RIN2: variants seen among roughly 807,000 people sequenced by gnomAD.
RIN2 encodes RAB5 interacting protein 2.
Under a neutral mutation model 78.0 loss-of-function variants are expected in RIN2, and 36 were observed. The observed-to-expected ratio is 0.46, with a 90% CI of 0.35 to 0.61. RIN2 has a LOEUF of 0.61. Ranked by LOEUF, RIN2 falls within the 20% of genes least tolerant of loss-of-function variation. The pLI is 0.00. For synonymous variants in RIN2, 466 were observed against 466.8 expected, an observed-to-expected ratio of 1.00 and a Z score of 0.02; for missense variants, 1,087 against 1,159.7, an observed-to-expected ratio of 0.94 and a Z score of 0.91.
At chr20:19,841,441 A>G (rs906083134) in intron 2 of RIN2, among the ~76,000 whole-genome samples, 2 of 152,124 alleles carry the variant, frequency 1.3e-5, no homozygotes, top group Admixed American at 6.5e-5. Flanking sequence ...TTGCCAGCTT[A>G]TGGAATTAAA....
At chr20:19,810,892 T>C (rs958455296) in intron 2 of RIN2, among the ~76,000 whole-genome samples, 52 of 145,404 alleles carry the variant, frequency 3.6e-4, no homozygotes, top group South Asian at 6.6e-4. Context: ...TTTTTTTTTT[T>C]AGTAGAGACA....
intron 3 of RIN2, among the ~76,000 whole-genome samples, chr20:19,927,117 G>A (rs952146046): frequency 5.3e-5 from 8 of 152,268 alleles, no homozygotes; most frequent in African/African-American, 1.9e-4. Flanking sequence ...TTTCTTTGTA[G>A]TCCCAGGTCT....
At chr20:19,813,483 A>T (rs1194764426) in intron 2 of RIN2, among the ~76,000 whole-genome samples, 1 of 152,258 alleles carries the variant, frequency 6.6e-6, no homozygotes, top group African/African-American at 2.4e-5. Context: ...AAAGAGGCAG[A>T]GTACTTTCTC....
At chr20:19,984,593 C>A (rs1392568796) in intron 9 of RIN2, among the ~76,000 whole-genome samples, 1 of 152,022 alleles carries the variant, frequency 6.6e-6, no homozygotes, top group Non-Finnish European at 1.5e-5. Context: ...ATGGTGAAAC[C>A]CCATCTCTAC....
At chr20:19,887,239 G>A (rs1322846165) in intron 2 of RIN2, among the ~76,000 whole-genome samples, 3 of 151,316 alleles carry the variant, frequency 2.0e-5, no homozygotes, top group African/African-American at 7.3e-5. Flanking sequence ...GCCCAGACTA[G>A]TCTCAAACTG....
At chr20:19,853,358 T>C (rs2037055653) in intron 2 of RIN2, among the ~76,000 whole-genome samples, 1 of 152,198 alleles carries the variant, frequency 6.6e-6, no homozygotes, top group Non-Finnish European at 1.5e-5. Flanking sequence ...TGCATGTGTC[T>C]TTATAGCAGC....
chr20:19,770,161 G>T (rs6046304), intron 1 of RIN2, among the ~76,000 whole-genome samples: 6,231 of 152,210 alleles, frequency 0.041, 452 homozygotes, highest in African/African-American at 0.14. Context: ...CCTGGCATAA[G>T]AACTAAGACT....
intron 2 of RIN2, among the ~76,000 whole-genome samples, chr20:19,846,745 C>G (rs892191097): frequency 1.3e-5 from 2 of 152,208 alleles, no homozygotes; most frequent in African/African-American, 4.8e-5. Flanking sequence ...GCCAGAACTT[C>G]CAATACTATG....
chr20:19,772,445 T>C (rs1203936027), intron 1 of RIN2, among the ~76,000 whole-genome samples: 5 of 152,158 alleles, frequency 3.3e-5, no homozygotes, highest in African/African-American at 9.7e-5. Context: ...ATGATGTGAT[T>C]TTCTAGCAGC....
At chr20:19,971,297 ATTG>A in intron 8 of RIN2, among the ~76,000 whole-genome samples, 1 of 151,950 alleles carries the variant, frequency 6.6e-6, no homozygotes, top group Non-Finnish European at 1.5e-5. Context: ...TTGTCGTTCA[ATTG>A]TTGTCCTGCT....
At chr20:19,797,574 A>G (rs1293992255) in intron 1 of RIN2, among the ~76,000 whole-genome samples, 2 of 152,192 alleles carry the variant, frequency 1.3e-5, no homozygotes, top group Non-Finnish European at 2.9e-5. Context: ...TGAATCCAAG[A>G]CCTACCTATT....
intron 2 of RIN2, among the ~76,000 whole-genome samples, chr20:19,817,816 C>G (rs997151979): frequency 2.0e-5 from 3 of 152,234 alleles, no homozygotes; most frequent in Non-Finnish European, 2.9e-5. Context: ...CAGTTCAGCT[C>G]TAGAGCCTGA....
chr20:19,826,193 C>A (rs370993861), intron 2 of RIN2, among the ~76,000 whole-genome samples: 1 of 151,998 alleles, frequency 6.6e-6, no homozygotes, highest in African/African-American at 2.4e-5. Flanking sequence ...AGGTGAGTGA[C>A]TATTTGCATG....
At chr20:19,798,023 T>C (rs1005339924) in intron 1 of RIN2, among the ~76,000 whole-genome samples, 1 of 151,294 alleles carries the variant, frequency 6.6e-6, no homozygotes, top group African/African-American at 2.4e-5. Flanking sequence ...GGCTAATTTT[T>C]TGTATTTTCA....
intron 4 of RIN2, among the ~76,000 whole-genome samples, chr20:19,944,847 A>G (rs2041023446): frequency 6.6e-6 from 1 of 152,188 alleles, no homozygotes; most frequent in African/African-American, 2.4e-5. Flanking sequence ...CCCAGGTCAC[A>G]TGAAATGCTG....
intron 2 of RIN2, among the ~76,000 whole-genome samples, chr20:19,832,726 G>A (rs1036563818): frequency 2.0e-5 from 3 of 151,984 alleles, no homozygotes; most frequent in Non-Finnish European, 4.4e-5. Context: ...GTCTGGTGAG[G>A]GCTGCTCTCT....
intron 2 of RIN2, among the ~76,000 whole-genome samples, chr20:19,829,281 T>C (rs1227836800): frequency 6.6e-6 from 1 of 152,120 alleles, no homozygotes; most frequent in Non-Finnish European, 1.5e-5. Flanking sequence ...CAAAGTTGTA[T>C]GGCGTGCTTG....
intron 3 of RIN2, among the ~76,000 whole-genome samples, chr20:19,923,146 G>C (rs188970981): frequency 1.3e-5 from 2 of 152,136 alleles, no homozygotes; most frequent in Non-Finnish European, 2.9e-5. Context: ...AGGCCAGCGC[G>C]GTAGCTCACG....
intron 9 of RIN2, among the ~76,000 whole-genome samples, chr20:19,980,061 A>AAG (rs1471294084): frequency 6.6e-6 from 1 of 151,188 alleles, no homozygotes; most frequent in African/African-American, 2.4e-5. Flanking sequence ...AAAAAAAAAA[A>AAG]AAAAACTCTT....
Sources: allele counts gnomAD v4.1 joint callset (sites outside exome capture counted in the v4.1 genomes callset), GRCh38; gene constraint gnomAD v4.1.1; transcripts MANE v1.5; gene names NCBI Gene and HGNC (gene_info 2026-07-23, HGNC 2026-07-21).